USP2: variants seen among roughly 807,000 people sequenced by gnomAD.
USP2 encodes ubiquitin specific peptidase 2, also known as ubiquitin carboxyl-terminal hydrolase 2.
In USP2, 33 loss-of-function variants were observed where a neutral mutation model predicts 72.0. The ratio of observed to expected loss-of-function variants is 0.46; its 90% CI spans 0.35 to 0.61. The LOEUF is 0.61. USP2 is among the 20% of genes least tolerant of loss of function. The probability of loss-of-function intolerance (pLI) is 0.01; values close to 1 mark genes in which losing one functional copy is unlikely to be tolerated. For missense variants in USP2, 691 were observed against 797.8 expected (o/e 0.87, Z 1.61); for synonymous variants, 296 against 312.5 (o/e 0.95, Z 0.56).
At position 119,373,363 on chromosome 11, in the gene USP2, C is replaced by A. The variant is rs1294713299; in HGVS notation, c.118G>T (p.Ala40Ser). The A allele has an allele frequency of 6.2e-7, 1 of 1,612,130 alleles. No individual in the cohort carries two copies. Among genetic ancestry groups the A allele is most frequent in the Admixed American group, 1.7e-5 (1 of 60,018 alleles). Residue 40 changes from alanine to serine, a missense_variant, in exon 2 of 13, where the codon GCT becomes TCT. Ala to Ser is a moderately conservative substitution (Grantham distance 99). Coordinates refer to ENST00000260187, the MANE Select transcript of USP2 (RefSeq NM_004205.5). ...YTPSSYGANL[A>S]ASLLEKEKLG... ...TTCTCCTTCTCCAGTAAGGAGGCAG[C>A]CAGATTGGCCCCATAGGAGGACGGG...
chr11:119,379,339 A>T, intron 1 of USP2: 3 of 873,994 alleles, frequency 3.4e-6, no homozygotes, highest in Non-Finnish European at 4.1e-6. Flanking sequence ...GGGAGATTCA[A>T]GAGGAAAGAG....
intron 2 of USP2, among the ~76,000 whole-genome samples, chr11:119,362,361 G>T: frequency 6.6e-6 from 1 of 152,170 alleles, no homozygotes. Flanking sequence ...TGGCCTGGGG[G>T]GTGGGGAGAT....
rs750696711 is a variant in USP2, at chr11:119,372,963, G to A, written c.518C>T (p.Ala173Val). The change falls in exon 2 of 13, where the codon GCC (alanine) becomes GTC (valine). Residue 173 changes from alanine to valine, a missense_variant. By Grantham distance (64) the Ala-to-Val change is moderately conservative. Coordinates refer to ENST00000260187, the MANE Select transcript of USP2 (RefSeq NM_004205.5). ...GGTGCAGAGCTCCTTGCGCGTCCGG[G>A]CCAGCATGGGGCTGCGGCCCAGGTT... ...PRNLGRSPML[A>V]RTRKELCTLQ... 4 of 1,613,736 alleles carry A rather than the reference G, an allele frequency of 2.5e-6. No homozygotes were observed. In the African/African-American group the frequency reaches 4.0e-5, roughly 16 times the overall value.
In USP2 at chr11:119,359,295, C is replaced by T; in HGVS notation, c.997G>A (p.Val333Met). 1 of 1,614,032 alleles carries T rather than the reference C, an allele frequency of 6.2e-7. No homozygotes were observed. Among genetic ancestry groups the T allele is most frequent in the Non-Finnish European group, 8.5e-7 (1 of 1,180,018 alleles). Residue 333 changes from valine to methionine, a missense_variant, in exon 5 of 13, where the codon GTG becomes ATG. By Grantham distance (21) the Val-to-Met change is conservative (BLOSUM62 1). Coordinates refer to ENST00000260187, the MANE Select transcript of USP2 (RefSeq NM_004205.5). ...GTCTTGAACTCAGATGGGCTCACCA[C>T]ATCATTGGGGGATGAAGTCCATATG... ...QTIWTSSPND[V>M]VSPSEFKTQI... is the part of the protein sequence containing the mutation.
chr11:119,368,465 C>A (rs1234701982), intron 2 of USP2, among the ~76,000 whole-genome samples: 1 of 152,226 alleles, frequency 6.6e-6, no homozygotes, highest in Non-Finnish European at 1.5e-5. Flanking sequence ...TTTGGAGTAA[C>A]CTCCGCTCAC....
chr11:119,366,160 G>A lies in USP2; in HGVS notation c.775-5926C>T, dbSNP rs1032643264. Among the ~76,000 whole-genome samples the A allele has an allele frequency of 2.6e-5, 4 of 152,334 alleles. 1 individual carries two copies. Among genetic ancestry groups the A allele is most frequent in the Middle Eastern group, 6.8e-3 (2 of 294 alleles). On this transcript the variant is annotated intron_variant, in intron 2 of 12. Coordinates refer to ENST00000260187, the MANE Select transcript of USP2 (RefSeq NM_004205.5). ...TCCGCCCACCTCAGCCTCCCAAAGT[G>A]CTGGGATTACAGGCGTGAGCCACCA...
intron 2 of USP2, among the ~76,000 whole-genome samples, chr11:119,365,846 AATTTCT>A (rs1200561736): frequency 6.6e-6 from 1 of 151,894 alleles, no homozygotes; most frequent in Non-Finnish European, 1.5e-5. Context: ...TATCCCAGTT[AATTTCT>A]ATAACATCAT....
intron 1 of USP2, among the ~76,000 whole-genome samples, chr11:119,376,711 G>C (rs1430400063): frequency 6.6e-6 from 1 of 152,260 alleles, no homozygotes; most frequent in African/African-American, 2.4e-5. Flanking sequence ...TTCCTGTCAG[G>C]GCATCTGAGC....
intron 2 of USP2, among the ~76,000 whole-genome samples, chr11:119,361,258 G>C (rs1950760874): frequency 6.6e-6 from 1 of 152,270 alleles, no homozygotes; most frequent in African/African-American, 2.4e-5. Context: ...CACTCTTGCT[G>C]TTGGCCCTAT....
Position 119,357,967 on chromosome 11 carries a change from G to T in USP2, c.1422+14C>A, listed in dbSNP as rs370087013. On this transcript the variant is annotated intron_variant, in intron 9 of 12. Transcript: ENST00000260187. ...ACGGAAATTTGTTCTTGCTATTACCGAAGGGTGACTTACTGGCTTTTCATC... is the reference window on the plus strand; with the variant it reads ...ACGGAAATTTGTTCTTGCTATTACCTAAGGGTGACTTACTGGCTTTTCATC... 157 of 1,614,012 alleles carry T rather than the reference G, an allele frequency of 9.7e-5. 1 individual carries two copies. The Middle Eastern group carries it at 1.5e-3, about 15-fold the overall frequency.
chr11:119,379,798 A>C (rs960206491), intron 1 of USP2, among the ~76,000 whole-genome samples: 40 of 152,104 alleles, frequency 2.6e-4, no homozygotes, highest in African/African-American at 8.9e-4. Context: ...AACATTGATG[A>C]TTATATTGAA....
At chr11:119,362,890 G>A (rs1295576136) in intron 2 of USP2, among the ~76,000 whole-genome samples, 1 of 152,246 alleles carries the variant, frequency 6.6e-6, no homozygotes, top group Non-Finnish European at 1.5e-5. Context: ...CACTGTTGCA[G>A]GGAGCAGATG....
intron 2 of USP2, among the ~76,000 whole-genome samples, chr11:119,369,850 A>G (rs1280814459): frequency 6.6e-6 from 1 of 152,074 alleles, no homozygotes; most frequent in Non-Finnish European, 1.5e-5. Context: ...GACACTCAAG[A>G]ACACCCAGGG....
intron 2 of USP2, among the ~76,000 whole-genome samples, chr11:119,372,424 G>A (rs544119409): frequency 6.6e-6 from 1 of 152,362 alleles, no homozygotes; most frequent in South Asian, 2.1e-4. Flanking sequence ...GAGAAGGTGA[G>A]AAGAGTGGTT....
chr11:119,364,557 A>G (rs1340862964), intron 2 of USP2, among the ~76,000 whole-genome samples: 1 of 152,138 alleles, frequency 6.6e-6, no homozygotes, highest in Non-Finnish European at 1.5e-5. Context: ...GCACCATTAC[A>G]CTTCCTAACT....
In USP2 at chr11:119,372,934, G is replaced by A; in HGVS notation, c.547C>T (p.Gln183Ter). 1 of 1,613,534 alleles carries A rather than the reference G, an allele frequency of 6.2e-7. No homozygotes were observed. Among genetic ancestry groups the A allele is most frequent in the Non-Finnish European group, 8.5e-7 (1 of 1,179,974 alleles). The change falls in exon 2 of 13, where the codon CAG becomes TAG. Residue 183 changes from glutamine to a stop codon, truncating the protein, a stop_gained. Transcript: ENST00000260187. LOFTEE classifies it high-confidence loss of function. ...CAGCTGGCTGTCTGGTAGAGCCCCT[G>A]CAGGGTGCAGAGCTCCTTGCGCGTC... is the stretch of plus-strand genomic sequence containing the variant. Reference protein sequence around the residue: ...ARTRKELCTLQGLYQTASCPE... With the variant: ...ARTRKELCTL
Position 119,356,673 on chromosome 11 carries a change from C to G in USP2, c.*162G>C. The G allele has an allele frequency of 2.8e-6, 2 of 720,356 alleles. No homozygotes were observed. Among genetic ancestry groups the G allele is most frequent in the Non-Finnish European group, 4.5e-6 (2 of 447,526 alleles). 44.6% of individuals were successfully genotyped at this position (720,356 alleles called of 1,614,324 possible). The stretch of plus-strand genomic sequence containing the variant: ...GCTCAGGAAAGCCCGGCTCCTTGCT[C>G]CAGACCCTGATCAGGCTGCATCCAC... On this transcript the variant is annotated 3_prime_UTR_variant, in exon 13 of 13. Transcript: ENST00000260187.
At chr11:119,357,002 C>G (rs1950668379) in intron 12 of USP2, 80 bp from the exon 13 acceptor site, 2 of 1,510,036 alleles carry the variant, frequency 1.3e-6, no homozygotes, top group Middle Eastern at 4.7e-4. Flanking sequence ...GCCCCCGAGG[C>G]CGGCCGGCCT....
chr11:119,377,832 A>G (rs186515873), intron 1 of USP2, among the ~76,000 whole-genome samples: 2 of 152,276 alleles, frequency 1.3e-5, no homozygotes, highest in Non-Finnish European at 2.9e-5. Context: ...CTTGCTCCCC[A>G]GGAATTCCAG....
Sources: allele counts gnomAD v4.1 joint callset (sites outside exome capture counted in the v4.1 genomes callset), GRCh38; gene constraint gnomAD v4.1.1; transcripts MANE v1.5; gene names NCBI Gene and HGNC (gene_info 2026-07-23, HGNC 2026-07-21).